SMAD4: variants seen among roughly 807,000 people sequenced by gnomAD.
The protein encoded by SMAD4 is SMAD family member 4.
Under a neutral mutation model 63.2 loss-of-function variants are expected in SMAD4, and 7 were observed. That is an observed-to-expected ratio of 0.11 (90% CI 0.06 to 0.21). The LOEUF (loss-of-function observed/expected upper bound fraction) is 0.21, where lower values mean the gene tolerates loss of function less well. Ranked by LOEUF, SMAD4 falls within the 10% of genes least tolerant of loss-of-function variation. The probability of loss-of-function intolerance (pLI) is 1.00; values close to 1 mark genes in which losing one functional copy is unlikely to be tolerated. For synonymous variants in SMAD4, 215 were observed against 235.4 expected (o/e 0.91, Z 0.79); for missense variants, 312 against 693.8 (o/e 0.45, Z 6.18).
In SMAD4 at chr18:51,068,780, G is replaced by T. The variant is rs149711506; in HGVS notation, c.1308+1593G>T. Among the ~76,000 whole-genome samples, 513 of 152,114 alleles carry T rather than the reference G, an allele frequency of 3.4e-3. 6 individuals are homozygous for T. The East Asian group carries it at 0.043, about 13-fold the overall frequency. On this transcript the variant is annotated intron_variant, in intron 10 of 11. Transcript: ENST00000342988. ...ACAAAAAAATTAAAAAATTAGCTGG[G>T]TGTGGTGGTGCATGCCTGTAGTTTT... is the stretch of plus-strand genomic sequence containing the variant.
intron 11 of SMAD4, 27 bp downstream of exon 11, chr18:51,076,803 A>G (rs774653865): frequency 6.4e-7 from 1 of 1,550,418 alleles, no homozygotes; most frequent in African/African-American, 1.4e-5. Flanking sequence ...TTCTTTTTTA[A>G]AGGTATAATA....
At chr18:51,073,622 C>G (rs1910393112) in intron 10 of SMAD4, among the ~76,000 whole-genome samples, 1 of 151,794 alleles carries the variant, frequency 6.6e-6, no homozygotes, top group South Asian at 2.1e-4. Flanking sequence ...CCTCCGCCTC[C>G]TGGGTTTAAG....
chr18:51,075,197 A>G (rs1158527472), intron 10 of SMAD4, among the ~76,000 whole-genome samples: 5 of 152,088 alleles, frequency 3.3e-5, no homozygotes, highest in African/African-American at 2.4e-5. Flanking sequence ...TAGGAGTGCA[A>G]TTTGTTATTT....
In SMAD4 at chr18:51,059,975, G is replaced by A. The variant is rs1385414511; in HGVS notation, c.955+59G>A. 7.2e-6 allele frequency: 9 copies of A among 1,254,448 alleles called. No individual in the cohort carries two copies. The African/African-American group carries it at 8.8e-5, about 12-fold the overall frequency. The allele number at this position is 1,254,448 out of a possible 1,614,324, so 77.7% of individuals were successfully genotyped here. A position where few individuals can be genotyped will look rare whatever the true frequency, so the allele number is the denominator to read the frequency against. ...AGATTGATTTAGTGGTGATTGAAAC[G>A]CACAAACACAGGCTTTAATGGAATT... On this transcript the variant is annotated intron_variant, in intron 8 of 11. Transcript: ENST00000342988.
Position 51,080,549 on chromosome 18 carries a change from C to CT in SMAD4, c.*2090dup, listed in dbSNP as rs1053918829. On this transcript the variant is annotated 3_prime_UTR_variant, in exon 12 of 12. Transcript: ENST00000342988. ...CATACATTGACATAATTCATTGCTT[C>CT]TTTTTTTTGAGATATGGAGTCTTGC... The CT allele has an allele frequency of 1.5e-4, 31 of 200,416 alleles. No homozygotes were observed. Among genetic ancestry groups the CT allele is most frequent in the East Asian group, 6.3e-4 (8 of 12,736 alleles). The allele number at this position is 200,416 out of a possible 1,614,324, so 12.4% of individuals were successfully genotyped here. A position where few individuals can be genotyped will look rare whatever the true frequency, so the allele number is the denominator to read the frequency against.
chr18:51,059,964 GTGATTGAAACGCACAAAC>G (rs757229084), intron 8 of SMAD4, 48 bp downstream of exon 8: 1 of 1,424,082 alleles, frequency 7.0e-7, no homozygotes, highest in Non-Finnish European at 9.9e-7. Flanking sequence ...TGATTTAGTG[GTGATTGAAACGCACAAAC>G]ACAGGCTTTA....
intron 8 of SMAD4, among the ~76,000 whole-genome samples, chr18:51,062,576 T>C (rs1910041840): frequency 6.6e-6 from 1 of 152,134 alleles, no homozygotes. Flanking sequence ...TTCGGCTCAC[T>C]GCAACCTCCA....
At chr18:51,058,606 A>G (rs1319216076) in intron 7 of SMAD4, 150 bp downstream of exon 7, 4 of 658,724 alleles carry the variant, frequency 6.1e-6, no homozygotes, top group Non-Finnish European at 1.1e-5. Context: ...TGTAAACAGT[A>G]TTATTTTTCA....
rs578138585 is a variant in SMAD4, at chr18:51,076,913, G to A, written c.1447+137G>A. On this transcript the variant is annotated intron_variant, in intron 11 of 11. Coordinates refer to ENST00000342988, the MANE Select transcript of SMAD4 (RefSeq NM_005359.6). ...CTGGGATGATGACATTTTTGAATTG[G>A]TAAAATCTGTTCTTCTGTAATAGTT... 100 of 642,454 alleles carry A rather than the reference G, an allele frequency of 1.6e-4. 1 individual carries two copies. The African/African-American group carries it at 1.7e-3, about 11-fold the overall frequency. 39.8% of individuals were successfully genotyped at this position (642,454 alleles called of 1,614,324 possible). A position where few individuals can be genotyped will look rare whatever the true frequency, so the allele number is the denominator to read the frequency against.
intron 1 of SMAD4, among the ~76,000 whole-genome samples, chr18:51,037,153 C>T (rs1013750018): frequency 2.6e-5 from 4 of 152,146 alleles, no homozygotes; most frequent in African/African-American, 7.2e-5. Context: ...CACTGCACTC[C>T]AGCCTAGCTG....
chr18:51,048,505 A>G (rs1021022584), intron 2 of SMAD4, among the ~76,000 whole-genome samples, 181 bp from the exon 3 acceptor site: 3 of 152,218 alleles, frequency 2.0e-5, no homozygotes, highest in Non-Finnish European at 2.9e-5. Flanking sequence ...AATTATACCA[A>G]GGTTTAAATT....
At position 51,038,304 on chromosome 18, in the gene SMAD4, C is replaced by T. The variant is rs939799021; in HGVS notation, c.-128+7681C>T. ...GTCAACACTGGGAAGATCTGTGTAA[C>T]TCATTGAACCAATATTTTCCCAAAT... On this transcript the variant is annotated intron_variant, in intron 1 of 11. Transcript: ENST00000342988. Among the ~76,000 whole-genome samples the T allele has an allele frequency of 2.4e-4, 37 of 151,618 alleles. No homozygotes were observed. The South Asian group carries it at 3.1e-3, about 13-fold the overall frequency.
intron 1 of SMAD4, among the ~76,000 whole-genome samples, chr18:51,040,758 A>G (rs890338706): frequency 2.6e-5 from 4 of 152,244 alleles, no homozygotes; most frequent in Non-Finnish European, 5.9e-5. Flanking sequence ...GGCTAGAGGA[A>G]AAACAACAGG....
intron 8 of SMAD4, among the ~76,000 whole-genome samples, chr18:51,064,372 T>C (rs1424273997): frequency 6.6e-6 from 1 of 152,244 alleles, no homozygotes; most frequent in Non-Finnish European, 1.5e-5. Flanking sequence ...ATACCCTGTT[T>C]TATTTTCTTC....
At chr18:51,030,907 C>G (rs1262982435) in intron 1 of SMAD4, among the ~76,000 whole-genome samples, 2 of 152,120 alleles carry the variant, frequency 1.3e-5, no homozygotes, top group East Asian at 1.9e-4. Context: ...GCGGCCGCCG[C>G]TCCTCTTTGT....
rs143842829 is a variant in SMAD4 at position 51,080,828 on chromosome 18, A to G, written c.*2361A>G. 201 of 177,722 alleles carry G rather than the reference A, an allele frequency of 1.1e-3. 3 individuals are homozygous for G. In the East Asian group the frequency reaches 0.016, roughly 14 times the overall value. The allele number at this position is 177,722 out of a possible 1,614,324, so 11.0% of individuals were successfully genotyped here. A position where few individuals can be genotyped will look rare whatever the true frequency, so the allele number is the denominator to read the frequency against. ...AGTGCTGGGATTACGGGCGTGAGCC[A>G]CTGTCCCTGGCCTCATTGTTCCCTT... is the stretch of plus-strand genomic sequence containing the variant. On this transcript the variant is annotated 3_prime_UTR_variant, in exon 12 of 12. Coordinates refer to ENST00000342988, the MANE Select transcript of SMAD4 (RefSeq NM_005359.6).
At chr18:51,063,447 C>G (rs1910071355) in intron 8 of SMAD4, among the ~76,000 whole-genome samples, 1 of 152,116 alleles carries the variant, frequency 6.6e-6, no homozygotes, top group African/African-American at 2.4e-5. Flanking sequence ...GGGTCTCACT[C>G]TGTGGCCTGG....
intron 4 of SMAD4, among the ~76,000 whole-genome samples, chr18:51,051,897 C>T (rs1338505770): frequency 6.6e-6 from 1 of 152,050 alleles, no homozygotes; most frequent in African/African-American, 2.4e-5. Flanking sequence ...ACCTCCGCCT[C>T]CCGAGTTCAA....
intron 1 of SMAD4, among the ~76,000 whole-genome samples, chr18:51,039,190 G>A (rs2960498): frequency 0.069 from 10,554 of 152,224 alleles, 433 homozygotes; most frequent in South Asian, 0.13. Flanking sequence ...ATGCATTATC[G>A]ACTAAATTAC....
Sources: gnomAD v4.1 joint callset for allele counts (sites outside exome capture counted in the v4.1 genomes callset) on GRCh38, gnomAD v4.1.1 for gene constraint, MANE v1.5 for transcripts, NCBI Gene and HGNC (gene_info 2026-07-23, HGNC 2026-07-21) for gene names.